The following CABLES1 variants were observed in gnomAD, a reference collection of about 807,000 sequenced individuals.
CABLES1 encodes the protein CDK5 and ABL1 enzyme substrate 1.
CABLES1 carries 36 observed loss-of-function variants against 57.8 expected under a neutral mutation model. The observed-to-expected ratio is 0.62, with a 90% CI of 0.48 to 0.82. The LOEUF is 0.82. CABLES1 is among the 40% of genes least tolerant of loss of function. CABLES1 has a pLI of 0.00. For missense variants in CABLES1, 767 were observed against 836.6 expected (o/e 0.92, Z 1.03); for synonymous variants, 374 against 363.0 (o/e 1.03, Z -0.35).
chr18:23,139,674 A>C (rs1173618441), intron 1 of CABLES1, among the ~76,000 whole-genome samples: 2 of 152,184 alleles, frequency 1.3e-5, no homozygotes, highest in Non-Finnish European at 2.9e-5. Context: ...AGCCACCCTG[A>C]GTATAGATTC....
intron 1 of CABLES1, among the ~76,000 whole-genome samples, chr18:23,159,006 G>T (rs1019629256): frequency 6.6e-6 from 1 of 152,154 alleles, no homozygotes; most frequent in Non-Finnish European, 1.5e-5. Context: ...TCGTTCAGTT[G>T]CCCAGGCTTG....
At chr18:23,205,877 CTG>C (rs2047359442) in intron 3 of CABLES1, among the ~76,000 whole-genome samples, 1 of 152,094 alleles carries the variant, frequency 6.6e-6, no homozygotes, top group South Asian at 2.1e-4. Context: ...TAAGGGAAAA[CTG>C]GGGCTCAGAG....
At chr18:23,181,593 G>T (rs1244219244) in intron 1 of CABLES1, among the ~76,000 whole-genome samples, 5 of 149,276 alleles carry the variant, frequency 3.3e-5, no homozygotes, top group African/African-American at 1.2e-4. Context: ...GGTGCTCTCT[G>T]GGAAAAGTCC....
intron 4 of CABLES1, among the ~76,000 whole-genome samples, chr18:23,220,342 C>T (rs1598837106): frequency 6.6e-6 from 1 of 152,282 alleles, no homozygotes; most frequent in Admixed American, 6.5e-5. Flanking sequence ...GCTTTATATG[C>T]GCTCACTCGT....
At chr18:23,226,830 G>T (rs142229820) in intron 4 of CABLES1, 1 of 152,304 alleles carries the variant, frequency 6.6e-6, no homozygotes, top group Non-Finnish European at 1.5e-5. Context: ...AAGTAGGAGA[G>T]AACCTAGTAA....
At chr18:23,207,117 A>G (rs1598829789) in intron 3 of CABLES1, among the ~76,000 whole-genome samples, 1 of 152,210 alleles carries the variant, frequency 6.6e-6, no homozygotes, top group East Asian at 1.9e-4. Flanking sequence ...AGCAGTGCAC[A>G]GTCTTTAATA....
chr18:23,251,003 T>C (rs753245005), intron 7 of CABLES1, among the ~76,000 whole-genome samples: 5 of 152,214 alleles, frequency 3.3e-5, no homozygotes, highest in African/African-American at 4.8e-5. Flanking sequence ...TAAAATCCTG[T>C]GTCCTATAAA....
chr18:23,222,275 GC>G (rs373624614), intron 4 of CABLES1, among the ~76,000 whole-genome samples: 1 of 151,926 alleles, frequency 6.6e-6, no homozygotes, highest in Non-Finnish European at 1.5e-5. Flanking sequence ...CTTTCTCAGT[GC>G]CCCCCAGCAC....
rs779100051 is a variant in CABLES1 at position 23,235,981 on chromosome 18, G to T, written c.1272G>T (p.Gln424His). 2 of 1,614,186 alleles carry T rather than the reference G, an allele frequency of 1.2e-6. No homozygotes were observed. Among genetic ancestry groups the T allele is most frequent in the East Asian group, 4.5e-5 (2 of 44,878 alleles). The change falls in exon 6 of 10, where the codon CAG becomes CAT. Residue 424 changes from glutamine to histidine, a missense_variant. Gln to His is a conservative substitution (Grantham distance 24). This residue lies in a region of CABLES1 where 529 missense variants were observed against 622.8 expected (regional missense o/e 0.85). Transcript: ENST00000256925. ...TAGACTCCACCTCCTCTTTCTCCCA[G>T]TTCCGTAACCTGAGCCACCGCAGCC... ...NTIDSTSSFS[Q>H]FRNLSHRSLS...
At position 23,257,399 on chromosome 18, in the gene CABLES1, C is replaced by T. The variant is rs766375783; in HGVS notation, c.*32C>T. On this transcript the variant is annotated 3_prime_UTR_variant, in exon 10 of 10. Coordinates refer to ENST00000256925, the MANE Select transcript of CABLES1 (RefSeq NM_001100619.3). The stretch of plus-strand genomic sequence containing the variant: ...CCCCGAGGACAGCCAAGGGCCATTT[C>T]TTCTCAGCTTGGTGGAGCAGCACTT... 1 of 1,556,610 alleles carries T rather than the reference C, an allele frequency of 6.4e-7. No homozygotes were observed. The highest frequency in any genetic ancestry group is 8.6e-7 in the Non-Finnish European group (1 of 1,157,476).
At chr18:23,221,171 C>T (rs1315887151) in intron 4 of CABLES1, among the ~76,000 whole-genome samples, 1 of 152,206 alleles carries the variant, frequency 6.6e-6, no homozygotes, top group Admixed American at 6.5e-5. Flanking sequence ...TTAGAGGATT[C>T]CTTATCACAG....
chr18:23,169,791 G>A (rs2047069238), intron 1 of CABLES1, among the ~76,000 whole-genome samples: 2 of 152,220 alleles, frequency 1.3e-5, no homozygotes, highest in South Asian at 4.1e-4. Flanking sequence ...TTGAAAGGCT[G>A]TGGGATAGGT....
At chr18:23,246,616 C>T (rs892805102) in intron 7 of CABLES1, among the ~76,000 whole-genome samples, 5 of 151,714 alleles carry the variant, frequency 3.3e-5, no homozygotes, top group Admixed American at 1.3e-4. Flanking sequence ...TGGTCTCGAT[C>T]TCCTGACCTT....
At position 23,151,709 on chromosome 18, in the gene CABLES1, G is replaced by A. The variant is rs577859963; in HGVS notation, c.845+15102G>A. The stretch of plus-strand genomic sequence containing the variant: ...TGGCAGGTTGAGGAAGGCTTGCTTC[G>A]GGAGGTGACTGCTGAACTAAGGTCT... On this transcript the variant is annotated intron_variant, in intron 1 of 9. Transcript: ENST00000256925. Among the ~76,000 whole-genome samples the A allele has an allele frequency of 4.5e-4, 69 of 152,244 alleles. 2 individuals are homozygous for A. In the South Asian group the frequency reaches 0.013, roughly 29 times the overall value.
intron 1 of CABLES1, among the ~76,000 whole-genome samples, chr18:23,156,457 G>T (rs1265254092): frequency 6.6e-6 from 1 of 152,210 alleles, no homozygotes; most frequent in Non-Finnish European, 1.5e-5. Flanking sequence ...CCTGTGCTTT[G>T]TCCTCCTATA....
At chr18:23,141,793 A>G (rs1159722233) in intron 1 of CABLES1, among the ~76,000 whole-genome samples, 1 of 152,118 alleles carries the variant, frequency 6.6e-6, no homozygotes, top group Non-Finnish European at 1.5e-5. Flanking sequence ...ATGGGTGGGG[A>G]AGCCATCACA....
intron 2 of CABLES1, among the ~76,000 whole-genome samples, chr18:23,191,623 T>C (rs2047243481): frequency 6.6e-6 from 1 of 152,234 alleles, no homozygotes; most frequent in Non-Finnish European, 1.5e-5. Flanking sequence ...TTAAACCTTT[T>C]GCATAATTAA....
chr18:23,164,627 G>A (rs1034240446), intron 1 of CABLES1, among the ~76,000 whole-genome samples: 1 of 151,382 alleles, frequency 6.6e-6, no homozygotes, highest in African/African-American at 2.4e-5. Context: ...AAATCAAATT[G>A]AGCAGAGAGT....
intron 1 of CABLES1, among the ~76,000 whole-genome samples, chr18:23,151,093 A>G (rs1473245441): frequency 1.4e-5 from 2 of 141,480 alleles, no homozygotes; most frequent in East Asian, 4.2e-4. Flanking sequence ...ATCTCGGCTC[A>G]CTGCAAGCTC....
Sources: allele counts gnomAD v4.1 joint callset (sites outside exome capture counted in the v4.1 genomes callset), GRCh38; gene constraint gnomAD v4.1.1; regional missense constraint gnomAD v4.1.1; transcripts MANE v1.5; gene names NCBI Gene and HGNC (gene_info 2026-07-23, HGNC 2026-07-21).